Variants in ELOVL7 observed in about 807,000 individuals in gnomAD.
ELOVL7 encodes ELOVL fatty acid elongase 7.
A neutral mutation model predicts 35.7 loss-of-function variants in ELOVL7; 27 were observed. The observed-to-expected ratio is 0.76, with a 90% CI of 0.56 to 1.04. ELOVL7 has a LOEUF of 1.04. ELOVL7 is among the 50% of genes least tolerant of loss of function. The pLI, the probability that ELOVL7 is intolerant of heterozygous loss-of-function variation, is 0.00. For synonymous variants in ELOVL7, 113 were observed against 114.6 expected (o/e 0.99, Z 0.09); for missense variants, 327 against 340.8 (o/e 0.96, Z 0.32).
intron 3 of ELOVL7, among the ~76,000 whole-genome samples, chr5:60,775,800 C>G (rs931172694): frequency 2.6e-5 from 4 of 152,270 alleles, no homozygotes; most frequent in Non-Finnish European, 5.9e-5. Context: ...AACTGGACCA[C>G]TACCTACCAC....
At chr5:60,760,769 T>TCAG (rs1741861148) in intron 7 of ELOVL7, among the ~76,000 whole-genome samples, 1 of 152,208 alleles carries the variant, frequency 6.6e-6, no homozygotes, top group Non-Finnish European at 1.5e-5. Flanking sequence ...TTTCATGGTT[T>TCAG]TAGATCTAAT....
Position 60,757,514 on chromosome 5 carries a change from G to T in ELOVL7, c.631C>A (p.Gln211Lys), listed in dbSNP as rs1452891362. 5 of 1,613,114 alleles carry T rather than the reference G, an allele frequency of 3.1e-6. No homozygotes were observed. The highest frequency in any genetic ancestry group is 2.5e-6 in the Non-Finnish European group (3 of 1,179,450). ...AAAGACAATTAATTACTCACAAGCTGTAATGATGTCAAATATTTTTTCCAC... is the reference window on the plus strand; with the variant it reads ...AAAGACAATTAATTACTCACAAGCTTTAATGATGTCAAATATTTTTTCCAC... ...LWWKKYLTSLQLVQFVIVAIH... is the reference protein window; with the variant it reads ...LWWKKYLTSLKLVQFVIVAIH... Residue 211 changes from glutamine to lysine, a missense_variant, in exon 8 of 9, where the codon CAG becomes AAG. Gln to Lys is a moderately conservative substitution (Grantham distance 53, BLOSUM62 1). Transcript: ENST00000508821.
intron 1 of ELOVL7, among the ~76,000 whole-genome samples, chr5:60,804,750 A>T (rs769481473): frequency 9.2e-5 from 14 of 152,238 alleles, no homozygotes; most frequent in Non-Finnish European, 2.1e-4. Context: ...GGAAAGCAAG[A>T]GGGACAGACC....
intron 4 of ELOVL7, among the ~76,000 whole-genome samples, chr5:60,770,794 C>A (rs138612988): frequency 5.3e-5 from 8 of 152,192 alleles, no homozygotes; most frequent in African/African-American, 9.7e-5. Flanking sequence ...ACCTCCCAGG[C>A]TCAAGTGATC....
chr5:60,764,484 C>T, intron 6 of ELOVL7, 152 bp from the exon 7 acceptor site: 1 of 604,524 alleles, frequency 1.7e-6, no homozygotes, highest in South Asian at 2.5e-5. Flanking sequence ...CAGCTAATTC[C>T]CCAAGGGGCA....
In ELOVL7 at chr5:60,771,907, T is replaced by C. The variant is rs1742612606; in HGVS notation, c.251A>G (p.Tyr84Cys). The change falls in exon 4 of 9, where the codon TAT (tyrosine) becomes TGT (cysteine). Residue 84 changes from tyrosine to cysteine, a missense_variant. Coordinates refer to ENST00000508821, the MANE Select transcript of ELOVL7 (RefSeq NM_024930.3). ...FIVLFSVYMC[Y>C]EFVMSGWGIG... is the part of the protein sequence containing the mutation. ...AGGAATACTGAAGACACTTGCCTCA[T>C]AACACATATACACAGAAAAGAGTAC... 6.3e-7 allele frequency: 1 copy of C among 1,596,148 alleles called. No homozygotes were observed. The highest frequency in any genetic ancestry group is 1.8e-4 in the Middle Eastern group (1 of 5,594).
At chr5:60,760,136 T>TC (rs1262802467) in intron 7 of ELOVL7, among the ~76,000 whole-genome samples, 2 of 152,210 alleles carry the variant, frequency 1.3e-5, no homozygotes, top group African/African-American at 2.4e-5. Flanking sequence ...TGATTTATAG[T>TC]CCTTTGGGTA....
At chr5:60,790,699 G>A (rs1370669128) in intron 2 of ELOVL7, among the ~76,000 whole-genome samples, 3 of 152,042 alleles carry the variant, frequency 2.0e-5, no homozygotes, top group Non-Finnish European at 4.4e-5. Flanking sequence ...GTGAGCAGGG[G>A]CTCTCGGCTC....
rs529123044 is a variant in ELOVL7, at chr5:60,810,146, A to C, written c.-85-10916T>G. ...CACTTGAGGCTTGTTAACACAAATG[A>C]ATCTTTGAATGTTTTAGGTACTTAA... is the stretch of plus-strand genomic sequence containing the variant. On this transcript the variant is annotated intron_variant, in intron 1 of 8. Coordinates refer to ENST00000508821, the MANE Select transcript of ELOVL7 (RefSeq NM_024930.3). Among the ~76,000 whole-genome samples, 19 of 152,348 alleles carry C rather than the reference A, an allele frequency of 1.2e-4. No homozygotes were observed. In the South Asian group the frequency reaches 3.9e-3, roughly 32 times the overall value.
At chr5:60,762,862 A>T (rs1742010272) in intron 7 of ELOVL7, among the ~76,000 whole-genome samples, 1 of 152,218 alleles carries the variant, frequency 6.6e-6, no homozygotes, top group South Asian at 2.1e-4. Flanking sequence ...TATAGACACA[A>T]GTAATAATAA....
chr5:60,779,439 A>T (rs1158977655), intron 3 of ELOVL7, among the ~76,000 whole-genome samples: 1 of 152,188 alleles, frequency 6.6e-6, no homozygotes, highest in African/African-American at 2.4e-5. Context: ...CCCAAACCTC[A>T]ATTCTTGACT....
intron 1 of ELOVL7, among the ~76,000 whole-genome samples, 152 bp from the exon 2 acceptor site, chr5:60,799,382 T>C (rs367562795): frequency 6.6e-6 from 1 of 151,642 alleles, no homozygotes; most frequent in East Asian, 1.9e-4. Flanking sequence ...AATAAAAAGA[T>C]CACCAAAACT....
chr5:60,835,046 C>T (rs1271451436), intron 1 of ELOVL7, among the ~76,000 whole-genome samples: 3 of 151,472 alleles, frequency 2.0e-5, no homozygotes, highest in African/African-American at 4.9e-5. Flanking sequence ...AAAAATTAGC[C>T]GGGCGTGGTG....
intron 1 of ELOVL7, among the ~76,000 whole-genome samples, chr5:60,832,034 CTCCCAAACCAGCACTTTTTTTCTGAAGA>C (rs1746510269): frequency 6.6e-6 from 1 of 152,224 alleles, no homozygotes; most frequent in Non-Finnish European, 1.5e-5. Flanking sequence ...TCAGCTGCCT[CTCCCAAACCAGCACTTTTTTTCTGAAGA>C]TAAGAAAATA....
At chr5:60,783,231 T>C (rs559471340) in intron 3 of ELOVL7, among the ~76,000 whole-genome samples, 106 of 152,344 alleles carry the variant, frequency 7.0e-4, no homozygotes, top group African/African-American at 2.5e-3. Context: ...CCTGATCCAA[T>C]CTGCTACATT....
At chr5:60,792,941 A>G (rs764742836) in intron 2 of ELOVL7, among the ~76,000 whole-genome samples, 1 of 152,198 alleles carries the variant, frequency 6.6e-6, no homozygotes, top group African/African-American at 2.4e-5. Flanking sequence ...TCCCTGCCTC[A>G]TCCGAGGTCT....
intron 2 of ELOVL7, among the ~76,000 whole-genome samples, chr5:60,795,875 A>AG (rs1744228414): frequency 6.6e-6 from 1 of 152,198 alleles, no homozygotes; most frequent in Admixed American, 6.5e-5. Context: ...GCATGGCCCA[A>AG]GGTTCCATTC....
At chr5:60,839,262 C>T (rs956131354) in intron 1 of ELOVL7, among the ~76,000 whole-genome samples, 3 of 151,602 alleles carry the variant, frequency 2.0e-5, no homozygotes, top group Admixed American at 2.0e-4. Flanking sequence ...GCAGGAGAAT[C>T]ACCGAACCTG....
chr5:60,790,248 G>T (rs554155459), intron 2 of ELOVL7, among the ~76,000 whole-genome samples: 2 of 152,282 alleles, frequency 1.3e-5, no homozygotes, highest in Admixed American at 6.5e-5. Context: ...ACTCATAGTT[G>T]TATAAAAGGA....
Sources: gnomAD v4.1 joint callset for allele counts (sites outside exome capture counted in the v4.1 genomes callset) on GRCh38, gnomAD v4.1.1 for gene constraint, MANE v1.5 for transcripts, NCBI Gene and HGNC (gene_info 2026-07-23, HGNC 2026-07-21) for gene names.